The following TBX21 variants were observed in gnomAD, a reference collection of about 807,000 sequenced individuals.
TBX21 encodes T-box transcription factor TBX21.
In TBX21, 11 loss-of-function variants were observed where a neutral mutation model predicts 52.2. The observed-to-expected ratio is 0.21, with a 90% confidence interval of 0.13 to 0.35. The LOEUF (loss-of-function observed/expected upper bound fraction) is 0.35, where lower values mean the gene tolerates loss of function less well. TBX21 is among the 10% of genes least tolerant of loss of function. The pLI, the probability that TBX21 is intolerant of heterozygous loss-of-function variation, is 1.00. For missense variants in TBX21, 625 were observed against 755.1 expected (o/e 0.83, Z 2.02); for synonymous variants, 300 against 316.1 (o/e 0.95, Z 0.54).
Position 47,742,543 on chromosome 17 carries a change from G to T in TBX21, c.492-67G>T. ...AGCACACCACTGATGCCTGGGCACT[G>T]TTGCAGGGGGGACTGGCTGTCAAGC... On this transcript the variant is annotated intron_variant, in intron 1 of 5. Coordinates refer to ENST00000177694, the MANE Select transcript of TBX21 (RefSeq NM_013351.2). This position sits in a 1 kb window ranked among gnomAD's most constrained non-coding sequence, Gnocchi z 4.4. 1 of 1,507,494 alleles carries T rather than the reference G, an allele frequency of 6.6e-7. No individual in the cohort carries two copies. The highest frequency in any genetic ancestry group is 8.9e-7 in the Non-Finnish European group (1 of 1,122,202). 93.4% of individuals were successfully genotyped at this position (1,507,494 alleles called of 1,614,324 possible). A position where few individuals can be genotyped will look rare whatever the true frequency, so the allele number is the denominator to read the frequency against.
Position 47,744,929 on chromosome 17 carries a change from C to A in TBX21, c.1171C>A (p.Arg391=), listed in dbSNP as rs778987598. ...CCAGGCTTACTGGCTGGGGGCCCCC[C>A]GGGACCACAGCTATGAGGCTGAGTT... ...VPQAYWLGAP[R]DHSYEAEFRA... is the part of the protein sequence containing the mutation. Residue 391 remains arginine (R), a synonymous_variant, in exon 6 of 6, where the codon CGG becomes AGG. Coordinates refer to ENST00000177694, the MANE Select transcript of TBX21 (RefSeq NM_013351.2). The A allele has an allele frequency of 5.0e-6, 8 of 1,614,136 alleles. No individual in the cohort carries two copies. The South Asian group carries it at 7.7e-5, about 16-fold the overall frequency.
At chr17:47,739,365 A>G (rs1316018326) in intron 1 of TBX21, among the ~76,000 whole-genome samples, 1 of 151,950 alleles carries the variant, frequency 6.6e-6, no homozygotes, top group Non-Finnish European at 1.5e-5. Context: ...GAGCACCTAT[A>G]ACCCCGCTCG....
In TBX21 at chr17:47,734,076, A is replaced by C. The variant is rs2032174886; in HGVS notation, c.491+131A>C. The C allele has an allele frequency of 2.1e-5, 30 of 1,460,598 alleles. No individual in the cohort carries two copies. The South Asian group carries it at 3.2e-4, about 16-fold the overall frequency. The allele number at this position is 1,460,598 out of a possible 1,614,324, so 90.5% of individuals were successfully genotyped here. The stretch of plus-strand genomic sequence containing the variant: ...TGCTTTGGCTTCAGCGTAGGGAGAC[A>C]GGGGAATGGGGTTGTTAGGAGGACA... On this transcript the variant is annotated intron_variant, in intron 1 of 5. Transcript: ENST00000177694.
chr17:47,742,863 C>T lies in TBX21; in HGVS notation c.646+99C>T. The T allele has an allele frequency of 2.0e-6, 3 of 1,467,490 alleles. No individual in the cohort carries two copies. Among genetic ancestry groups the T allele is most frequent in the South Asian group, 1.4e-5 (1 of 73,828 alleles). The allele number at this position is 1,467,490 out of a possible 1,614,324, so 90.9% of individuals were successfully genotyped here. ...CTACCCCTAATTCCTAGACCTTTAACCCCCTCCCACTCCATCCCACGCCAT... is the reference window on the plus strand; with the variant it reads ...CTACCCCTAATTCCTAGACCTTTAATCCCCTCCCACTCCATCCCACGCCAT... On this transcript the variant is annotated intron_variant, in intron 2 of 5. Transcript: ENST00000177694. This position sits in a 1 kb window ranked among gnomAD's most constrained non-coding sequence, Gnocchi z 4.4.
At chr17:47,736,818 A>G (rs1597982723) in intron 1 of TBX21, among the ~76,000 whole-genome samples, 1 of 151,962 alleles carries the variant, frequency 6.6e-6, no homozygotes, top group African/African-American at 2.4e-5. Flanking sequence ...GGTTCCAGTG[A>G]CCCACCAGTC....
At position 47,733,714 on chromosome 17, in the gene TBX21, C is replaced by T; in HGVS notation, c.260C>T (p.Pro87Leu). The T allele has an allele frequency of 7.1e-7, 1 of 1,417,076 alleles. No homozygotes were observed. Among genetic ancestry groups the T allele is most frequent in the Non-Finnish European group, 9.2e-7 (1 of 1,086,050 alleles). The allele number at this position is 1,417,076 out of a possible 1,614,324, so 87.8% of individuals were successfully genotyped here. ...CCGCGACCCCAGGCGGCCGGCTTCC[C>T]CGGCGCGGGCGAGTCCTTCCCGCCG... ...YPPRPQAAGF[P>L]GAGESFPPPA... The change falls in exon 1 of 6, where the codon CCC becomes CTC. Residue 87 changes from proline to leucine, a missense_variant. Physicochemically the swap from Pro to Leu is moderately conservative, Grantham distance 98. Transcript: ENST00000177694. The surrounding 1 kb of genome is among the most constrained non-coding windows in gnomAD (Gnocchi z 6.6).
At chr17:47,737,009 C>T (rs2032214401) in intron 1 of TBX21, among the ~76,000 whole-genome samples, 2 of 152,182 alleles carry the variant, frequency 1.3e-5, no homozygotes, top group African/African-American at 4.8e-5. Context: ...ATGCTCTTCC[C>T]AACGGGCAGA....
At chr17:47,736,551 G>A (rs1455008785) in intron 1 of TBX21, among the ~76,000 whole-genome samples, 15 of 152,080 alleles carry the variant, frequency 9.9e-5, no homozygotes, top group African/African-American at 3.1e-4. Flanking sequence ...TGTTGAAGGA[G>A]GCAGTGGCTC....
At chr17:47,734,098 G>T (rs904338906) in intron 1 of TBX21, among the ~76,000 whole-genome samples, 153 bp downstream of exon 1, 1 of 152,168 alleles carries the variant, frequency 6.6e-6, no homozygotes, top group South Asian at 2.1e-4. Flanking sequence ...TTGTTAGGAG[G>T]ACAGGGAAAG....
intron 3 of TBX21, 27 bp downstream of exon 3, chr17:47,743,219 C>T (rs1263308607): frequency 3.1e-6 from 5 of 1,611,782 alleles, no homozygotes; most frequent in Non-Finnish European, 4.2e-6. Context: ...AAAAGGTAGC[C>T]TCGCCCTGCT....
intron 5 of TBX21, 96 bp from the exon 6 acceptor site, chr17:47,744,652 G>A: frequency 2.5e-6 from 4 of 1,602,506 alleles, no homozygotes; most frequent in Non-Finnish European, 3.4e-6. Context: ...GGCAGGCCAG[G>A]GAAGGAGGGT....
At chr17:47,743,337 T>A in intron 3 of TBX21, 145 bp downstream of exon 3, 1 of 1,140,604 alleles carries the variant, frequency 8.8e-7, no homozygotes, top group Non-Finnish European at 1.2e-6. Flanking sequence ...TCTTCTGTCC[T>A]AAACGAAGGG....
Position 47,733,814 on chromosome 17 carries a change from G to C in TBX21, c.360G>C (p.Gly120=), listed in dbSNP as rs1464505778. 2 of 1,597,284 alleles carry C rather than the reference G, an allele frequency of 1.3e-6. No individual in the cohort carries two copies. Among genetic ancestry groups the C allele is most frequent in the Admixed American group, 3.5e-5 (2 of 56,446 alleles). ...ACCCGCGCGCCGGGCTCTACCCGGG[G>C]CCGCGTGAGGACTACGCGCTACCCG... ...APDPRAGLYP[G]PREDYALPAG... is the part of the protein sequence containing the mutation. Residue 120 remains glycine, a synonymous_variant, in exon 1 of 6, where the codon GGG becomes GGC. Transcript: ENST00000177694. The surrounding 1 kb of genome is among the most constrained non-coding windows in gnomAD (Gnocchi z 6.6).
In TBX21 at chr17:47,742,864, C is replaced by T. The variant is rs2032282716; in HGVS notation, c.646+100C>T. 6.8e-7 allele frequency: 1 copy of T among 1,468,434 alleles called. No individual in the cohort carries two copies. The highest frequency in any genetic ancestry group is 1.4e-5 in the African/African-American group (1 of 71,100). The allele number at this position is 1,468,434 out of a possible 1,614,324, so 91.0% of individuals were successfully genotyped here. On this transcript the variant is annotated intron_variant, in intron 2 of 5. Coordinates refer to ENST00000177694, the MANE Select transcript of TBX21 (RefSeq NM_013351.2). This position sits in a 1 kb window ranked among gnomAD's most constrained non-coding sequence, Gnocchi z 4.4. The stretch of plus-strand genomic sequence containing the variant: ...TACCCCTAATTCCTAGACCTTTAAC[C>T]CCCTCCCACTCCATCCCACGCCATT...
At chr17:47,735,890 C>T (rs1217285381) in intron 1 of TBX21, among the ~76,000 whole-genome samples, 1 of 152,192 alleles carries the variant, frequency 6.6e-6, no homozygotes, top group Non-Finnish European at 1.5e-5. Flanking sequence ...CTGGGGTCTC[C>T]CCACAGCCTC....
At chr17:47,735,769 T>C (rs1414309967) in intron 1 of TBX21, among the ~76,000 whole-genome samples, 2 of 152,214 alleles carry the variant, frequency 1.3e-5, no homozygotes, top group African/African-American at 4.8e-5. Context: ...GGTCACTGAG[T>C]TGCAGGGTCA....
chr17:47,737,664 C>T (rs1179088850), intron 1 of TBX21, among the ~76,000 whole-genome samples: 1 of 151,178 alleles, frequency 6.6e-6, no homozygotes, highest in Middle Eastern at 3.4e-3. Flanking sequence ...CTCACTCTGT[C>T]CCCCAGGCTG....
At chr17:47,744,687 T>C (rs1341434380) in intron 5 of TBX21, 61 bp from the exon 6 acceptor site, 1 of 1,596,588 alleles carries the variant, frequency 6.3e-7, no homozygotes, top group East Asian at 2.2e-5. Flanking sequence ...GTGAAACAGG[T>C]AGGCTCACAG....
chr17:47,742,835 C>T lies in TBX21; in HGVS notation c.646+71C>T, dbSNP rs1173823584. On this transcript the variant is annotated intron_variant, in intron 2 of 5. Coordinates refer to ENST00000177694, the MANE Select transcript of TBX21 (RefSeq NM_013351.2). The surrounding 1 kb of genome is among the most constrained non-coding windows in gnomAD (Gnocchi z 4.4). ...GGCGCCCCCTGGTGGGCCCACCAAGCCCCTACCCCTAATTCCTAGACCTTT... is the reference window on the plus strand; with the variant it reads ...GGCGCCCCCTGGTGGGCCCACCAAGTCCCTACCCCTAATTCCTAGACCTTT... The T allele has an allele frequency of 6.7e-7, 1 of 1,497,068 alleles. No individual in the cohort carries two copies. The allele number at this position is 1,497,068 out of a possible 1,614,324, so 92.7% of individuals were successfully genotyped here.
Sources: allele counts gnomAD v4.1 joint callset (sites outside exome capture counted in the v4.1 genomes callset), GRCh38; gene constraint gnomAD v4.1.1; non-coding constraint Gnocchi (gnomAD v3.1); transcripts MANE v1.5; gene names NCBI Gene and HGNC (gene_info 2026-07-23, HGNC 2026-07-21).